Variants in RPS6KC1 observed in about 807,000 individuals in gnomAD.
The protein encoded by RPS6KC1 is inactive ribosomal protein S6 kinase delta-1.
RPS6KC1 carries 54 observed loss-of-function variants against 103.8 expected under a neutral mutation model. The ratio of observed to expected loss-of-function variants is 0.52; its 90% CI spans 0.42 to 0.65. The LOEUF is 0.65. Among genes scored for constraint, RPS6KC1 ranks in the 30% least tolerant of loss-of-function variants. The pLI is 0.00. For synonymous variants in RPS6KC1, 439 were observed against 438.7 expected, an observed-to-expected ratio of 1.00 and a Z score of -0.01; for missense variants, 1,151 against 1,253.8, an observed-to-expected ratio of 0.92 and a Z score of 1.24.
the RPS6KC1 span, among the ~76,000 whole-genome samples, chr1:213,742,793 AG>A: frequency 6.6e-6 from 1 of 152,272 alleles, no homozygotes; most frequent in Admixed American, 6.5e-5. Context: ...GTACCAGGGC[AG>A]GTCTAGTCAG....
intron 7 of RPS6KC1, among the ~76,000 whole-genome samples, chr1:213,173,788 T>C (rs17020228): frequency 0.017 from 2,591 of 152,326 alleles, 147 homozygotes; most frequent in East Asian, 0.16. Context: ...GACTGAGCCT[T>C]TTGATAATTT....
At chr1:213,145,905 T>G (rs2087708384) in intron 6 of RPS6KC1, among the ~76,000 whole-genome samples, 1 of 147,436 alleles carries the variant, frequency 6.8e-6, no homozygotes, top group East Asian at 1.9e-4. Context: ...AATGTACAAT[T>G]AAGTTATTAT....
At chr1:213,686,578 G>A in the RPS6KC1 span, among the ~76,000 whole-genome samples, 1 of 152,126 alleles carries the variant, frequency 6.6e-6, no homozygotes, top group Admixed American at 6.5e-5. Context: ...ACTTATCTGT[G>A]CTAGACCCCA....
the RPS6KC1 span, among the ~76,000 whole-genome samples, chr1:213,833,688 AG>A: frequency 9.8e-5 from 15 of 152,288 alleles, no homozygotes; most frequent in African/African-American, 2.6e-4. Flanking sequence ...GAAGGGAGAT[AG>A]GCCTGACCCC....
the RPS6KC1 span, among the ~76,000 whole-genome samples, chr1:213,576,830 G>A: frequency 6.6e-6 from 1 of 152,242 alleles, no homozygotes; most frequent in Admixed American, 6.5e-5. Flanking sequence ...CCAAAAGCTA[G>A]GCCTCTTGAG....
chr1:213,152,273 G>C (rs1459793266), intron 6 of RPS6KC1, among the ~76,000 whole-genome samples: 2 of 147,434 alleles, frequency 1.4e-5, no homozygotes, highest in African/African-American at 2.5e-5. Flanking sequence ...CTGGCCTGGC[G>C]GGGGGCTGAT....
chr1:213,175,437 A>G (rs1270702445), intron 7 of RPS6KC1, among the ~76,000 whole-genome samples: 1 of 152,196 alleles, frequency 6.6e-6, no homozygotes, highest in Admixed American at 6.5e-5. Flanking sequence ...TTTTGATAGC[A>G]ATAAGGTCTG....
chr1:213,636,111 A>G, the RPS6KC1 span, among the ~76,000 whole-genome samples: 1 of 152,224 alleles, frequency 6.6e-6, no homozygotes, highest in Non-Finnish European at 1.5e-5. Context: ...GCTCAAGGAA[A>G]TAAAAGAGGA....
intron 14 of RPS6KC1, among the ~76,000 whole-genome samples, chr1:213,269,144 A>G (rs1486840656): frequency 1.3e-5 from 2 of 152,242 alleles, no homozygotes; most frequent in Admixed American, 1.3e-4. Context: ...CCATACTAAC[A>G]GTAACCACGA....
chr1:213,222,994 G>C (rs1019899846), intron 8 of RPS6KC1, among the ~76,000 whole-genome samples: 1 of 152,190 alleles, frequency 6.6e-6, no homozygotes, highest in South Asian at 2.1e-4. Context: ...ATGAAAGTAT[G>C]TTGGGAAAAA....
At chr1:213,671,434 G>A in the RPS6KC1 span, among the ~76,000 whole-genome samples, 2 of 152,266 alleles carry the variant, frequency 1.3e-5, no homozygotes, top group South Asian at 4.2e-4. Context: ...TTACACAGGA[G>A]GAGTTTTGGT....
the RPS6KC1 span, among the ~76,000 whole-genome samples, chr1:213,620,449 T>C: frequency 6.6e-6 from 1 of 152,236 alleles, no homozygotes; most frequent in African/African-American, 2.4e-5. Context: ...ATCAACCTTC[T>C]TGGCTTAGGG....
intron 8 of RPS6KC1, among the ~76,000 whole-genome samples, chr1:213,201,155 A>T (rs1040592667): frequency 1.3e-5 from 2 of 152,208 alleles, no homozygotes; most frequent in Non-Finnish European, 2.9e-5. Context: ...TATCCTGCAC[A>T]AGGATGTTTA....
At chr1:213,466,481 G>GC in the RPS6KC1 span, among the ~76,000 whole-genome samples, 4 of 152,160 alleles carry the variant, frequency 2.6e-5, no homozygotes, top group Non-Finnish European at 5.9e-5. Context: ...TCCTGGGGTG[G>GC]CCAGAGGAGC....
At chr1:213,451,539 C>T in the RPS6KC1 span, among the ~76,000 whole-genome samples, 2 of 152,226 alleles carry the variant, frequency 1.3e-5, no homozygotes, top group African/African-American at 4.8e-5. Context: ...GTCTCCTAGG[C>T]TCCCACACAG....
chr1:213,525,521 C>T, the RPS6KC1 span, among the ~76,000 whole-genome samples: 23 of 151,954 alleles, frequency 1.5e-4, 1 homozygote, highest in African/African-American at 5.6e-4. Flanking sequence ...TATTTAAAGC[C>T]AGGAAACTTA....
At chr1:213,109,687 A>G (rs2082832476) in intron 4 of RPS6KC1, among the ~76,000 whole-genome samples, 1 of 152,168 alleles carries the variant, frequency 6.6e-6, no homozygotes, top group Admixed American at 6.5e-5. Context: ...TTGTTTATCT[A>G]CAGTGTGTGT....
At chr1:213,282,462 G>A in the RPS6KC1 span, among the ~76,000 whole-genome samples, 7 of 152,234 alleles carry the variant, frequency 4.6e-5, no homozygotes, top group African/African-American at 1.2e-4. Flanking sequence ...CCTCAGAGGC[G>A]CCTGCTTGGC....
intron 5 of RPS6KC1, among the ~76,000 whole-genome samples, chr1:213,127,524 A>C (rs1481245253): frequency 6.6e-6 from 1 of 152,208 alleles, no homozygotes; most frequent in African/African-American, 2.4e-5. Flanking sequence ...CCATTAGCTG[A>C]ACTAGCTGCT....
Sources: allele counts gnomAD v4.1 joint callset (sites outside exome capture counted in the v4.1 genomes callset), GRCh38; gene constraint gnomAD v4.1.1; transcripts MANE v1.5; gene names NCBI Gene and HGNC (gene_info 2026-07-23, HGNC 2026-07-21).